TBL1X: variants seen among roughly 807,000 people sequenced by gnomAD.
TBL1X encodes transducin beta like 1 X-linked, also known as F-box-like/WD repeat-containing protein TBL1X.
In TBL1X, 10 loss-of-function variants were observed where a neutral mutation model predicts 50.7. That is an observed-to-expected ratio of 0.20 (90% confidence interval 0.12 to 0.33). TBL1X has a LOEUF of 0.33. TBL1X is among the 10% of genes least tolerant of loss of function. The probability of loss-of-function intolerance (pLI) is 1.00; values close to 1 mark genes in which losing one functional copy is unlikely to be tolerated. For missense variants in TBL1X, 340 were observed against 504.4 expected, an observed-to-expected ratio of 0.67 and a Z score of 3.12; for synonymous variants, 190 against 214.7, an observed-to-expected ratio of 0.88 and a Z score of 1.01.
intron 1 of TBL1X, among the ~76,000 whole-genome samples, chrX:9,487,903 G>A (rs892638631): frequency 9.0e-6 from 1 of 111,362 alleles, no homozygotes; most frequent in Non-Finnish European, 1.9e-5. Context: ...CAAGCAGCAA[G>A]ACTTAGGCTG....
intron 6 of TBL1X, among the ~76,000 whole-genome samples, chrX:9,684,770 AC>A (rs2146629705): frequency 9.0e-6 from 1 of 111,620 alleles, no homozygotes; most frequent in East Asian, 2.8e-4. Flanking sequence ...GTAAACACTT[AC>A]ACCGCCACAT....
At position 9,667,503 on chromosome X, in the gene TBL1X, G is replaced by T. The variant is rs1460349861; in HGVS notation, c.211+13181G>T. On this transcript the variant is annotated intron_variant, in intron 5 of 17. Coordinates refer to ENST00000645353, the MANE Select transcript of TBL1X (RefSeq NM_005647.4). Reference sequence around the variant, plus strand: ...CAGAAAATTATAAAGGGTTTTAAAAGGTTTTTGAAAATTTTACCTGATGGT... The same window carrying T: ...CAGAAAATTATAAAGGGTTTTAAAATGTTTTTGAAAATTTTACCTGATGGT... 3.6e-5 allele frequency among the ~76,000 whole-genome samples: 4 copies of T among 111,838 alleles called. No homozygotes were observed. The East Asian group carries it at 1.1e-3, about 31-fold the overall frequency.
At chrX:9,642,337 T>C (rs2082779978) in intron 3 of TBL1X, among the ~76,000 whole-genome samples, 1 of 111,648 alleles carries the variant, frequency 9.0e-6, no homozygotes, top group Non-Finnish European at 1.9e-5. Context: ...AATGGTACTC[T>C]ATTGCTGTAG....
At chrX:9,552,466 C>A (rs1218320830) in intron 2 of TBL1X, among the ~76,000 whole-genome samples, 1 of 111,901 alleles carries the variant, frequency 8.9e-6, no homozygotes, top group East Asian at 2.8e-4. Flanking sequence ...ATCACTCCGA[C>A]TTAAACCACG....
At chrX:9,474,331 T>C (rs1376133693) in intron 1 of TBL1X, among the ~76,000 whole-genome samples, 2 of 113,089 alleles carry the variant, frequency 1.8e-5, no homozygotes, top group African/African-American at 6.4e-5. Context: ...GAGGGGGTGA[T>C]ACCAACGTCC....
Position 9,691,707 on chromosome X carries a change from TC to T in TBL1X, c.747del (p.Gly250AspfsTer12). On this transcript the variant is annotated frameshift_variant, in exon 8 of 18. Coordinates refer to ENST00000645353, the MANE Select transcript of TBL1X (RefSeq NM_005647.4). LOFTEE classifies it high-confidence loss of function. ...AWNPVSDLLA[S>X]GSGDSTARIW... ...GAATCCTGTCAGTGATTTGCTAGCC[TC>T]CGGGTAAGGATGTCAGGGTGGGGGG... The T allele has an allele frequency of 8.4e-7, 1 of 1,193,254 alleles. No homozygotes were observed. The highest frequency in any genetic ancestry group is 1.1e-6 in the Non-Finnish European group (1 of 888,653).
chrX:9,537,011 A>ATTAC (rs753754038), intron 2 of TBL1X, among the ~76,000 whole-genome samples: 4 of 111,916 alleles, frequency 3.6e-5, no homozygotes, highest in Non-Finnish European at 3.8e-5. Flanking sequence ...TCTTGAAGCA[A>ATTAC]TTACTGTAAG....
chrX:9,604,727 C>A (rs1037232255), intron 2 of TBL1X, among the ~76,000 whole-genome samples: 1 of 110,945 alleles, frequency 9.0e-6, no homozygotes, highest in African/African-American at 3.3e-5. Context: ...TGGCCTGTGT[C>A]CCTGGAATCC....
chrX:9,630,101 C>T (rs1194093675), intron 2 of TBL1X, among the ~76,000 whole-genome samples: 1 of 111,263 alleles, frequency 9.0e-6, no homozygotes, highest in Non-Finnish European at 1.9e-5. Flanking sequence ...GAATGGCAAC[C>T]TCAGTTTGAT....
chrX:9,670,434 T>G (rs1191605695), intron 5 of TBL1X, among the ~76,000 whole-genome samples: 2 of 111,622 alleles, frequency 1.8e-5, no homozygotes, highest in Non-Finnish European at 3.8e-5. Context: ...TCGGAGAGAC[T>G]TGATTTGAGT....
At chrX:9,552,027 C>T (rs758763476) in intron 2 of TBL1X, among the ~76,000 whole-genome samples, 2 of 112,097 alleles carry the variant, frequency 1.8e-5, no homozygotes, top group Non-Finnish European at 3.8e-5. Context: ...GTTTCCTAAA[C>T]GGGTGGTCCA....
chrX:9,585,561 G>A (rs1041427154), intron 2 of TBL1X, among the ~76,000 whole-genome samples: 3 of 110,909 alleles, frequency 2.7e-5, no homozygotes, highest in South Asian at 3.9e-4. Flanking sequence ...GACTGGGTTC[G>A]TTCCCTAGGC....
At chrX:9,675,032 A>G (rs1177475892) in intron 5 of TBL1X, among the ~76,000 whole-genome samples, 1 of 112,142 alleles carries the variant, frequency 8.9e-6, no homozygotes, top group Non-Finnish European at 1.9e-5. Context: ...CATAACATAC[A>G]TTTAAATAGC....
intron 1 of TBL1X, among the ~76,000 whole-genome samples, chrX:9,489,300 T>C (rs2081929560): frequency 9.0e-6 from 1 of 111,217 alleles, no homozygotes; most frequent in South Asian, 3.8e-4. Flanking sequence ...GTTTGTGGCT[T>C]CACAGAATGG....
intron 5 of TBL1X, among the ~76,000 whole-genome samples, chrX:9,660,865 C>T (rs942271417): frequency 8.9e-6 from 1 of 112,492 alleles, no homozygotes; most frequent in Non-Finnish European, 1.9e-5. Flanking sequence ...TCTGTTCCCC[C>T]GAATTCCTAT....
chrX:9,485,905 A>G (rs1173303594), intron 1 of TBL1X, among the ~76,000 whole-genome samples: 2 of 111,148 alleles, frequency 1.8e-5, no homozygotes, highest in South Asian at 7.6e-4. Context: ...TTTGTTATTT[A>G]TTTTATTTTA....
intron 2 of TBL1X, among the ~76,000 whole-genome samples, chrX:9,569,999 C>T: frequency 8.9e-6 from 1 of 111,892 alleles, no homozygotes; most frequent in East Asian, 2.8e-4. Flanking sequence ...TGGGATGGGG[C>T]TGGAGGTGCT....
chrX:9,640,381 T>C (rs1569084094), intron 3 of TBL1X, 21 bp downstream of exon 3: 1 of 111,868 alleles, frequency 8.9e-6, no homozygotes, highest in East Asian at 2.8e-4. Flanking sequence ...CAGCATGCCA[T>C]TGGATCCTTG....
chrX:9,692,773 G>C (rs2083106660), intron 9 of TBL1X, among the ~76,000 whole-genome samples: 1 of 112,583 alleles, frequency 8.9e-6, no homozygotes, highest in African/African-American at 3.2e-5. Context: ...GTATTCAGTA[G>C]CCGTATCTTT....
Sources: allele counts gnomAD v4.1 joint callset (sites outside exome capture counted in the v4.1 genomes callset), GRCh38; gene constraint gnomAD v4.1.1; transcripts MANE v1.5; gene names NCBI Gene and HGNC (gene_info 2026-07-23, HGNC 2026-07-21).